Variants in PCCA observed in about 807,000 individuals in gnomAD.
PCCA encodes the protein propionyl-CoA carboxylase alpha chain, mitochondrial.
In PCCA, 74 loss-of-function variants were observed where a neutral mutation model predicts 101.3. The observed-to-expected ratio is 0.73, with a 90% CI of 0.61 to 0.89. PCCA has a LOEUF of 0.89. PCCA is among the 40% of genes least tolerant of loss of function. The pLI, the probability that PCCA is intolerant of heterozygous loss-of-function variation, is 0.00. For synonymous variants in PCCA, 294 were observed against 313.6 expected (o/e 0.94, Z 0.66); for missense variants, 891 against 907.0 (o/e 0.98, Z 0.23).
intron 18 of PCCA, among the ~76,000 whole-genome samples, chr13:100,351,557 G>A (rs1454076076): frequency 6.6e-6 from 1 of 152,020 alleles, no homozygotes; most frequent in African/African-American, 2.4e-5. Context: ...TTCTATATTT[G>A]TATATATGAA....
chr13:100,274,770 C>T (rs539805009), intron 12 of PCCA, among the ~76,000 whole-genome samples: 60 of 152,178 alleles, frequency 3.9e-4, no homozygotes, highest in African/African-American at 1.1e-3. Context: ...CCTCATCATA[C>T]GTGATTTCCT....
At chr13:100,184,015 T>C (rs1274146986) in intron 6 of PCCA, among the ~76,000 whole-genome samples, 1 of 152,130 alleles carries the variant, frequency 6.6e-6, no homozygotes, top group African/African-American at 2.4e-5. Flanking sequence ...GGGTAATTTA[T>C]AAGAAAAGAG....
chr13:100,210,415 C>T (rs2059139353), intron 7 of PCCA, among the ~76,000 whole-genome samples: 1 of 152,200 alleles, frequency 6.6e-6, no homozygotes, highest in Non-Finnish European at 1.5e-5. Flanking sequence ...GATCTCTGGA[C>T]TGCATTTAAT....
chr13:100,092,212 A>G (rs1185955651), intron 1 of PCCA, among the ~76,000 whole-genome samples: 1 of 152,156 alleles, frequency 6.6e-6, no homozygotes, highest in African/African-American at 2.4e-5. Flanking sequence ...CACCGAGCCC[A>G]ATGGTGTGAT....
intron 4 of PCCA, chr13:100,154,691 C>T (rs997112760): frequency 5.9e-5 from 22 of 372,764 alleles, no homozygotes; most frequent in Non-Finnish European, 8.6e-5. Context: ...TATTGATGAA[C>T]GGAATAGGAA....
At chr13:100,495,790 C>T (rs991107062) in intron 21 of PCCA, among the ~76,000 whole-genome samples, 4 of 152,122 alleles carry the variant, frequency 2.6e-5, no homozygotes, top group Admixed American at 6.5e-5. Context: ...TTTTCCCCAT[C>T]TAAAAGGAAA....
intron 21 of PCCA, among the ~76,000 whole-genome samples, chr13:100,503,319 T>C (rs538548245): frequency 8.2e-4 from 124 of 152,108 alleles, no homozygotes; most frequent in Non-Finnish European, 1.0e-3. Context: ...GGAGAAACCC[T>C]GTCTCTACTA....
At chr13:100,396,992 A>G (rs986275481) in intron 19 of PCCA, among the ~76,000 whole-genome samples, 2 of 152,132 alleles carry the variant, frequency 1.3e-5, no homozygotes, top group Non-Finnish European at 2.9e-5. Flanking sequence ...CTGTTAGGGT[A>G]TGGGGCCGAC....
intron 6 of PCCA, among the ~76,000 whole-genome samples, chr13:100,181,872 C>T (rs776255660): frequency 4.1e-5 from 6 of 146,732 alleles, no homozygotes; most frequent in African/African-American, 5.1e-5. Flanking sequence ...TCAAGCGATT[C>T]TCCTGCCTCA....
At chr13:100,241,220 A>G (rs1197424092) in intron 8 of PCCA, among the ~76,000 whole-genome samples, 1 of 151,710 alleles carries the variant, frequency 6.6e-6, no homozygotes, top group Non-Finnish European at 1.5e-5. Flanking sequence ...CCCCAAAGAA[A>G]CTCTGTACTC....
At chr13:100,467,650 G>A (rs186138738) in intron 21 of PCCA, among the ~76,000 whole-genome samples, 10 of 152,334 alleles carry the variant, frequency 6.6e-5, no homozygotes, top group African/African-American at 1.9e-4. Flanking sequence ...GATTACAGGC[G>A]TGAGCCACCG....
intron 6 of PCCA, among the ~76,000 whole-genome samples, chr13:100,169,415 T>C (rs1566625357): frequency 7.1e-6 from 1 of 139,888 alleles, no homozygotes; most frequent in Non-Finnish European, 1.5e-5. Flanking sequence ...CACTCCAGCC[T>C]GGGCGACAGA....
chr13:100,160,436 G>C (rs1435938931), intron 6 of PCCA, among the ~76,000 whole-genome samples: 1 of 151,562 alleles, frequency 6.6e-6, no homozygotes, highest in African/African-American at 2.4e-5. Flanking sequence ...CCGGGAGGTG[G>C]AGGTTGCAGT....
At chr13:100,149,814 T>C (rs1304180968) in intron 4 of PCCA, 1 of 152,212 alleles carries the variant, frequency 6.6e-6, no homozygotes, top group South Asian at 2.1e-4. Flanking sequence ...CCTTTCTCAG[T>C]ATGTACTAGT....
At chr13:100,292,661 G>A (rs988523501) in intron 12 of PCCA, among the ~76,000 whole-genome samples, 1 of 152,032 alleles carries the variant, frequency 6.6e-6, no homozygotes, top group Non-Finnish European at 1.5e-5. Context: ...CTGAAAAGAT[G>A]GCAAGCCACA....
chr13:100,116,116 A>G (rs529279221), intron 4 of PCCA, among the ~76,000 whole-genome samples: 8 of 152,320 alleles, frequency 5.3e-5, no homozygotes, highest in Non-Finnish European at 1.5e-5. Context: ...ACGTGATCAC[A>G]GAGGTTACTA....
chr13:100,267,992 T>C (rs2063059760), intron 10 of PCCA, among the ~76,000 whole-genome samples: 1 of 152,202 alleles, frequency 6.6e-6, no homozygotes, highest in African/African-American at 2.4e-5. Flanking sequence ...TCAGATTTTT[T>C]TGGGTTTTGG....
At chr13:100,496,365 C>A (rs551738432) in intron 21 of PCCA, among the ~76,000 whole-genome samples, 1 of 152,342 alleles carries the variant, frequency 6.6e-6, no homozygotes, top group South Asian at 2.1e-4. Flanking sequence ...AATCGTTCCT[C>A]CGTTGTTCTT....
rs139583993 is a variant in PCCA at position 100,348,727 on chromosome 13, C to CCTTT, written c.1643+8528_1643+8531dup. ...TCAGCTTTTACTTTCCGTTTTTTTT[C>CCTTT]CTTTCTTTCTTTCTTTCTTTCTTTC... On this transcript the variant is annotated intron_variant, in intron 18 of 23. Transcript: ENST00000376285. 1.7e-3 allele frequency among the ~76,000 whole-genome samples: 174 copies of CCTTT among 99,480 alleles called. 2 individuals carry two copies. Among genetic ancestry groups the CCTTT allele is most frequent in the Middle Eastern group, 4.9e-3 (1 of 206 alleles). 65.3% of individuals were successfully genotyped at this position (99,480 alleles called of 152,430 possible).
Sources: gnomAD v4.1 joint callset for allele counts (sites outside exome capture counted in the v4.1 genomes callset) on GRCh38, gnomAD v4.1.1 for gene constraint, MANE v1.5 for transcripts, NCBI Gene and HGNC (gene_info 2026-07-23, HGNC 2026-07-21) for gene names.